Variants in LEMD3 observed in about 807,000 individuals in gnomAD.
LEMD3 encodes inner nuclear membrane protein Man1.
Under a neutral mutation model 95.2 loss-of-function variants are expected in LEMD3, and 33 were observed. That is an observed-to-expected ratio of 0.35 (90% CI 0.26 to 0.46). The LOEUF (loss-of-function observed/expected upper bound fraction) is 0.46, where lower values mean the gene tolerates loss of function less well. Among genes scored for constraint, LEMD3 ranks in the 20% least tolerant of loss-of-function variants. The pLI is 1.00. For synonymous variants in LEMD3, 525 were observed against 474.6 expected (o/e 1.11, Z -1.38); for missense variants, 1,210 against 1,192.8 (o/e 1.01, Z -0.21).
At position 65,246,740 on chromosome 12, in the gene LEMD3, A is replaced by G. The variant is rs1871123512; in HGVS notation, c.*415A>G. ...ATACAGTCACCTGCATAGTTCCTAC[A>G]GGCTAATGTGGTAAAACTGTTGATT... On this transcript the variant is annotated 3_prime_UTR_variant, in exon 13 of 13. Coordinates refer to ENST00000308330, the MANE Select transcript of LEMD3 (RefSeq NM_014319.5). 5.5e-6 allele frequency: 1 copy of G among 182,296 alleles called. No individual in the cohort carries two copies. The highest frequency in any genetic ancestry group is 5.8e-5 in the Admixed American group (1 of 17,352). The allele number at this position is 182,296 out of a possible 1,614,324, so 11.3% of individuals were successfully genotyped here.
At chr12:65,243,662 AT>A (rs571435450) in intron 10 of LEMD3, among the ~76,000 whole-genome samples, 193 bp downstream of exon 10, 105 of 152,336 alleles carry the variant, frequency 6.9e-4, no homozygotes, top group African/African-American at 2.4e-3. Flanking sequence ...ATGTATAAAG[AT>A]TTGTAAAACT....
At chr12:65,217,268 C>T (rs1051948087) in intron 3 of LEMD3, among the ~76,000 whole-genome samples, 2 of 152,178 alleles carry the variant, frequency 1.3e-5, no homozygotes, top group Non-Finnish European at 2.9e-5. Context: ...ATAAATACTA[C>T]ATAAGTGAAT....
Position 65,238,503 on chromosome 12 carries a change from A to G in LEMD3, c.1697A>G (p.Asp566Gly). 1 of 1,584,396 alleles carries G rather than the reference A, an allele frequency of 6.3e-7. No individual in the cohort carries two copies. The highest frequency in any genetic ancestry group is 8.7e-7 in the Non-Finnish European group (1 of 1,153,300). Reference protein sequence around the residue: ...SVQEAAAYLKDLGPEYEGIFN... With the variant: ...SVQEAAAYLKGLGPEYEGIFN... ...ATTTTTCTCTATTTTTCTTGTTAGG[A>G]TTTAGGTCCTGAATATGAAGGTATA... The change falls in exon 5 of 13, where the codon GAT becomes GGT. Residue 566 changes from aspartate to glycine, a missense_variant and splice_region_variant. Physicochemically the swap from Asp to Gly is moderately conservative, Grantham distance 94 (BLOSUM62 -1). Coordinates refer to ENST00000308330, the MANE Select transcript of LEMD3 (RefSeq NM_014319.5).
intron 4 of LEMD3, among the ~76,000 whole-genome samples, chr12:65,231,150 TA>T (rs1870614351): frequency 6.6e-6 from 1 of 152,180 alleles, no homozygotes; most frequent in Admixed American, 6.5e-5. Context: ...TCTTTTTTTA[TA>T]GTTAGGTTTA....
At chr12:65,240,558 A>C (rs984109234) in intron 8 of LEMD3, 1 of 410,538 alleles carries the variant, frequency 2.4e-6, no homozygotes, top group Non-Finnish European at 4.3e-6. Flanking sequence ...GTGTTTTACT[A>C]ATGTTTTTTA....
intron 1 of LEMD3, among the ~76,000 whole-genome samples, chr12:65,180,956 CAGTT>C (rs961688126): frequency 4.8e-5 from 7 of 145,218 alleles, no homozygotes; most frequent in East Asian, 3.9e-4. Flanking sequence ...TTTTGTTTCT[CAGTT>C]AGCTCATATA....
intron 1 of LEMD3, among the ~76,000 whole-genome samples, chr12:65,181,288 A>AT (rs759854894): frequency 7.2e-5 from 11 of 152,156 alleles, no homozygotes; most frequent in Non-Finnish European, 1.5e-4. Context: ...TTGAAGAAAC[A>AT]TTAAGTTTCT....
intron 1 of LEMD3, among the ~76,000 whole-genome samples, chr12:65,200,486 A>G (rs1019612373): frequency 6.6e-6 from 1 of 152,140 alleles, no homozygotes; most frequent in Non-Finnish European, 1.5e-5. Flanking sequence ...TCCACCAGTA[A>G]TAGTTCTACA....
chr12:65,244,816 T>G (rs555859632), intron 10 of LEMD3, among the ~76,000 whole-genome samples: 2 of 151,674 alleles, frequency 1.3e-5, no homozygotes, highest in Admixed American at 1.3e-4. Context: ...CCAGAATTGG[T>G]GGTGTGTGCC....
intron 3 of LEMD3, among the ~76,000 whole-genome samples, chr12:65,216,942 A>G (rs1870128825): frequency 6.6e-6 from 1 of 152,156 alleles, no homozygotes; most frequent in East Asian, 1.9e-4. Context: ...TCATTCACAC[A>G]CTTCAAGCTA....
At chr12:65,232,815 T>G (rs2030123) in intron 4 of LEMD3, among the ~76,000 whole-genome samples, 147,013 of 152,232 alleles carry the variant, frequency 0.97, 71,180 homozygotes, top group East Asian at 1. Context: ...AATGAATGGG[T>G]TTACGTTCCT....
At chr12:65,235,455 C>T (rs1270964434) in intron 4 of LEMD3, among the ~76,000 whole-genome samples, 1 of 151,948 alleles carries the variant, frequency 6.6e-6, no homozygotes, top group Non-Finnish European at 1.5e-5. Flanking sequence ...ATACAGTTGG[C>T]CCTACGTATA....
intron 5 of LEMD3, 28 bp downstream of exon 5, chr12:65,238,609 A>G (rs751948644): frequency 1.2e-6 from 2 of 1,612,242 alleles, no homozygotes; most frequent in Non-Finnish European, 1.7e-6. Context: ...CACTTTGACC[A>G]TTCTGTACTG....
In LEMD3 at chr12:65,246,207, A is replaced by G. The variant is rs149439907; in HGVS notation, c.2618A>G (p.His873Arg). 3.1e-6 allele frequency: 5 copies of G among 1,612,600 alleles called. No individual in the cohort carries two copies. The highest frequency in any genetic ancestry group is 1.3e-5 in the African/African-American group (1 of 74,902). Residue 873 changes from histidine (H) to arginine (R), a missense_variant, in exon 13 of 13, where the codon CAT becomes CGT. Around this residue, in one of 2 missense-constraint regions of LEMD3, gnomAD observed 461 missense variants for 569.8 expected, o/e 0.81. Transcript: ENST00000308330. ...TATTTACGACTAGATAGATACCACCATCGCTTTCCCCAGGCTCTCACTTCC... is the reference window on the plus strand; with the variant it reads ...TATTTACGACTAGATAGATACCACCGTCGCTTTCCCCAGGCTCTCACTTCC... ...VKYLRLDRYHHRFPQALTSNT... is the reference protein window; with the variant it reads ...VKYLRLDRYHRRFPQALTSNT...
chr12:65,183,516 A>T (rs538089978), intron 1 of LEMD3, among the ~76,000 whole-genome samples: 1 of 152,162 alleles, frequency 6.6e-6, no homozygotes, highest in Non-Finnish European at 1.5e-5. Flanking sequence ...TTTTCAGAAG[A>T]TCTTTGTAAT....
rs1868747504 is a variant in LEMD3, at chr12:65,177,190, G to A, written c.1522+6072G>A. Reference sequence around the variant, plus strand: ...AATGGCAATTCATGGAGGTTATAAAGCAGAGGACAAGCATGATCGAATTGG... The same window carrying A: ...AATGGCAATTCATGGAGGTTATAAAACAGAGGACAAGCATGATCGAATTGG... On this transcript the variant is annotated intron_variant, in intron 1 of 12. Transcript: ENST00000308330. Among the ~76,000 whole-genome samples, 6 of 152,162 alleles carry A rather than the reference G, an allele frequency of 3.9e-5. No homozygotes were observed. The South Asian group carries it at 1.2e-3, about 32-fold the overall frequency.
intron 4 of LEMD3, among the ~76,000 whole-genome samples, chr12:65,224,347 A>G (rs959512472): frequency 3.9e-5 from 6 of 152,116 alleles, no homozygotes; most frequent in Non-Finnish European, 2.9e-5. Flanking sequence ...TTTTTGAAGG[A>G]TGGTTTTTCT....
intron 10 of LEMD3, among the ~76,000 whole-genome samples, chr12:65,243,899 C>G (rs1259794478): frequency 6.6e-6 from 1 of 152,172 alleles, no homozygotes; most frequent in Non-Finnish European, 1.5e-5. Flanking sequence ...TATATACCTG[C>G]TTCTCTACAA....
intron 4 of LEMD3, among the ~76,000 whole-genome samples, chr12:65,234,979 T>C (rs2136351593): frequency 6.6e-6 from 1 of 152,278 alleles, no homozygotes. Context: ...ACTTGTCCAG[T>C]ATTATATGTA....
Sources: allele counts gnomAD v4.1 joint callset (sites outside exome capture counted in the v4.1 genomes callset), GRCh38; gene constraint gnomAD v4.1.1; regional missense constraint gnomAD v4.1.1; transcripts MANE v1.5; gene names NCBI Gene and HGNC (gene_info 2026-07-23, HGNC 2026-07-21).